USP34: variants seen among roughly 807,000 people sequenced by gnomAD.
USP34 encodes the protein ubiquitin specific peptidase 34.
In USP34, 70 loss-of-function variants were observed where a neutral mutation model predicts 460.3. That is an observed-to-expected ratio of 0.15 (90% CI 0.13 to 0.19). The LOEUF is 0.19. Ranked by LOEUF, USP34 falls within the 10% of genes least tolerant of loss-of-function variation. The pLI is 1.00. For synonymous variants in USP34, 1,647 were observed against 1,405.3 expected (o/e 1.17, Z -3.85); for missense variants, 3,985 against 4,236.2 (o/e 0.94, Z 1.65).
intron 1 of USP34, among the ~76,000 whole-genome samples, chr2:61,431,479 A>G (rs1278920420): frequency 6.6e-6 from 1 of 152,192 alleles, no homozygotes; most frequent in Non-Finnish European, 1.5e-5. Flanking sequence ...CTTCTGCCTC[A>G]GCCACCCAAA....
intron 2 of USP34, among the ~76,000 whole-genome samples, chr2:61,410,718 G>A (rs1558578587): frequency 6.6e-6 from 1 of 151,882 alleles, no homozygotes; most frequent in Non-Finnish European, 1.5e-5. Flanking sequence ...GAACACTCTA[G>A]AAAAACAGAA....
intron 41 of USP34, among the ~76,000 whole-genome samples, chr2:61,269,339 T>G (rs1471509141): frequency 1.3e-5 from 2 of 151,318 alleles, no homozygotes; most frequent in Non-Finnish European, 3.0e-5. Context: ...TTTTTTTTTT[T>G]TTTTTTAATA....
intron 41 of USP34, among the ~76,000 whole-genome samples, chr2:61,270,474 T>C (rs1303546267): frequency 6.6e-6 from 1 of 152,218 alleles, no homozygotes; most frequent in Admixed American, 6.5e-5. Context: ...TCTTGCTTTG[T>C]TGCCAGGCTG....
intron 10 of USP34, among the ~76,000 whole-genome samples, chr2:61,358,180 C>T (rs765803325): frequency 7.6e-6 from 1 of 131,458 alleles, no homozygotes; most frequent in South Asian, 3.3e-4. Context: ...CAAGACAGAG[C>T]GAGATTCCAT....
At chr2:61,191,063 A>G (rs761308438) in intron 76 of USP34, 1 of 156,374 alleles carries the variant, frequency 6.4e-6, no homozygotes, top group Non-Finnish European at 1.4e-5. Flanking sequence ...AAAAAGACAC[A>G]TTTTAAGAAT....
chr2:61,416,321 TA>T (rs755471457), intron 2 of USP34, among the ~76,000 whole-genome samples: 26 of 152,106 alleles, frequency 1.7e-4, no homozygotes, highest in Non-Finnish European at 2.6e-4. Context: ...AAAATAAAAG[TA>T]AAAGCTTCAA....
chr2:61,334,240 T>A (rs1411165419), intron 18 of USP34, among the ~76,000 whole-genome samples: 2 of 152,194 alleles, frequency 1.3e-5, no homozygotes, highest in East Asian at 3.8e-4. Flanking sequence ...CATTTAAAGA[T>A]GTTTCTTAAA....
At chr2:61,425,093 G>C (rs1046715382) in intron 1 of USP34, among the ~76,000 whole-genome samples, 1 of 152,036 alleles carries the variant, frequency 6.6e-6, no homozygotes, top group African/African-American at 2.4e-5. Flanking sequence ...TACAGGTGTG[G>C]CCCACTGCGC....
chr2:61,411,145 G>T (rs751651435), intron 2 of USP34, among the ~76,000 whole-genome samples: 1 of 152,082 alleles, frequency 6.6e-6, no homozygotes, highest in Non-Finnish European at 1.5e-5. Flanking sequence ...AGCACTTTGG[G>T]GGGCAGAGGC....
At position 61,229,550 on chromosome 2, in the gene USP34, A is replaced by G; in HGVS notation, c.7197T>C (p.Asp2399=). ...AHLYLQPGME[D]GSDDMDTSVE... is the part of the protein sequence containing the mutation. ...CTTATTCAAAAAGTACTTCTTACCC[A>G]TCTTCCATTCCTGGCTGCAAATAGA... Residue 2399 remains aspartate, a splice_region_variant and synonymous_variant, in exon 59 of 80, where the codon GAT becomes GAC. Transcript: ENST00000398571. 6.2e-7 allele frequency: 1 copy of G among 1,607,880 alleles called. No homozygotes were observed. Among genetic ancestry groups the G allele is most frequent in the South Asian group, 1.1e-5 (1 of 90,408 alleles).
intron 41 of USP34, among the ~76,000 whole-genome samples, chr2:61,273,218 G>C (rs761380083): frequency 1.3e-5 from 2 of 152,040 alleles, no homozygotes; most frequent in Non-Finnish European, 2.9e-5. Context: ...TAAAACGATT[G>C]GCTTTGCATA....
At chr2:61,235,749 A>T in intron 57 of USP34, 96 bp downstream of exon 57, 1 of 1,251,762 alleles carries the variant, frequency 8.0e-7, no homozygotes, top group Non-Finnish European at 1.1e-6. Flanking sequence ...GCTCCCTGTG[A>T]CAGATAAAAC....
intron 5 of USP34, among the ~76,000 whole-genome samples, chr2:61,387,877 G>A (rs35659746): frequency 0.015 from 2,038 of 137,644 alleles, 37 homozygotes; most frequent in African/African-American, 0.051. Context: ...TTACGTATAC[G>A]CATATGTAAA....
intron 53 of USP34, among the ~76,000 whole-genome samples, chr2:61,239,769 G>A (rs1688191482): frequency 6.6e-6 from 1 of 152,152 alleles, no homozygotes; most frequent in Non-Finnish European, 1.5e-5. Flanking sequence ...AGCACTTTGG[G>A]AGGCCGAGAT....
intron 5 of USP34, among the ~76,000 whole-genome samples, chr2:61,387,551 T>C (rs1051589260): frequency 6.8e-6 from 1 of 146,994 alleles, no homozygotes; most frequent in African/African-American, 2.5e-5. Context: ...ATATAAAATA[T>C]ATATATTTAT....
chr2:61,410,422 G>A (rs1303608963), intron 2 of USP34, among the ~76,000 whole-genome samples: 1 of 152,182 alleles, frequency 6.6e-6, no homozygotes, highest in Non-Finnish European at 1.5e-5. Context: ...GAGCAATGGG[G>A]AATGGCTGTA....
intron 15 of USP34, among the ~76,000 whole-genome samples, chr2:61,346,650 C>A (rs1691777776): frequency 7.2e-6 from 1 of 139,118 alleles, no homozygotes; most frequent in South Asian, 2.3e-4. Flanking sequence ...TATGGTGAAA[C>A]CCCATCCTAC....
At chr2:61,310,690 T>C (rs1690564781) in intron 27 of USP34, among the ~76,000 whole-genome samples, 1 of 150,828 alleles carries the variant, frequency 6.6e-6, no homozygotes, top group Non-Finnish European at 1.5e-5. Context: ...TACATATATA[T>C]ATATTAGGCC....
At chr2:61,399,534 T>C (rs1693646227) in intron 3 of USP34, among the ~76,000 whole-genome samples, 1 of 151,524 alleles carries the variant, frequency 6.6e-6, no homozygotes, top group African/African-American at 2.4e-5. Flanking sequence ...CATCTATAGG[T>C]TAAAAAAAAC....
Sources: gnomAD v4.1 joint callset for allele counts (sites outside exome capture counted in the v4.1 genomes callset) on GRCh38, gnomAD v4.1.1 for gene constraint, MANE v1.5 for transcripts, NCBI Gene and HGNC (gene_info 2026-07-23, HGNC 2026-07-21) for gene names.